Variants in STK38 observed in about 807,000 individuals in gnomAD.
STK38 encodes serine/threonine kinase 38, also known as serine/threonine-protein kinase 38.
A neutral mutation model predicts 59.0 loss-of-function variants in STK38; 26 were observed. The observed-to-expected ratio is 0.44, with a 90% confidence interval of 0.32 to 0.61. STK38 has a LOEUF of 0.61. Among genes scored for constraint, STK38 ranks in the 20% least tolerant of loss-of-function variants. STK38 has a pLI of 0.04. For synonymous variants in STK38, 175 were observed against 176.6 expected, an observed-to-expected ratio of 0.99 and a Z score of 0.07; for missense variants, 433 against 566.0, an observed-to-expected ratio of 0.76 and a Z score of 2.38.
chr6:36,499,825 G>A, intron 10 of STK38, 48 bp downstream of exon 10: 2 of 1,424,016 alleles, frequency 1.4e-6, no homozygotes, highest in Non-Finnish European at 2.0e-6. Context: ...CAATGTAAAA[G>A]TCTGTCATGG....
intron 10 of STK38, among the ~76,000 whole-genome samples, chr6:36,499,294 C>A (rs1415644290): frequency 6.6e-6 from 1 of 152,156 alleles, no homozygotes. Flanking sequence ...CCTATCACCC[C>A]ATCTTCCCTC....
chr6:36,499,033 T>C (rs561014977), intron 10 of STK38, among the ~76,000 whole-genome samples: 1 of 152,286 alleles, frequency 6.6e-6, no homozygotes, highest in African/African-American at 2.4e-5. Context: ...AGTGAAATCA[T>C]GCCTCTGGTA....
chr6:36,525,475 A>C, intron 3 of STK38, 116 bp downstream of exon 3: 1 of 848,250 alleles, frequency 1.2e-6, no homozygotes, highest in Non-Finnish European at 1.9e-6. Flanking sequence ...CTACCCCTCA[A>C]GTTCCTCTGT....
At chr6:36,532,466 T>C (rs1344408839) in intron 2 of STK38, among the ~76,000 whole-genome samples, 1 of 152,058 alleles carries the variant, frequency 6.6e-6, no homozygotes, top group Non-Finnish European at 1.5e-5. Context: ...CAAAACCTAC[T>C]AGCAGCTCAT....
intron 4 of STK38, among the ~76,000 whole-genome samples, chr6:36,523,197 C>CTA (rs540254437): frequency 4.9e-4 from 75 of 151,970 alleles, no homozygotes; most frequent in African/African-American, 1.6e-3. Flanking sequence ...ATTCTGAACA[C>CTA]TGAGGGATCA....
At chr6:36,523,160 T>C (rs1382497745) in intron 4 of STK38, among the ~76,000 whole-genome samples, 2 of 152,082 alleles carry the variant, frequency 1.3e-5, no homozygotes, top group Non-Finnish European at 2.9e-5. Flanking sequence ...GTACTATACT[T>C]TTCCCTCTTT....
At chr6:36,514,848 C>CA (rs58614183) in intron 7 of STK38, among the ~76,000 whole-genome samples, 4,882 of 77,330 alleles carry the variant, frequency 0.063, 169 homozygotes, top group African/African-American at 0.1. Flanking sequence ...GACTTCATCT[C>CA]AAAAAAAAAA....
intron 2 of STK38, among the ~76,000 whole-genome samples, chr6:36,536,563 C>T (rs755677897): frequency 1.9e-4 from 29 of 151,824 alleles, no homozygotes; most frequent in Non-Finnish European, 3.5e-4. Context: ...GACTGAGTTT[C>T]GCTCTCGTTG....
rs1014051012 is a variant in STK38, at chr6:36,536,744, C to T, written c.131+3328G>A. On this transcript the variant is annotated intron_variant, in intron 2 of 13. Coordinates refer to ENST00000229812, the MANE Select transcript of STK38 (RefSeq NM_007271.4). ...AGAGACGGGGTTTCTCCATGTTGGT[C>T]GGGCTGGTCTCGAACTCCTGACCTC... Among the ~76,000 whole-genome samples the T allele has an allele frequency of 7.9e-5, 12 of 151,930 alleles. No homozygotes were observed. The East Asian group carries it at 9.7e-4, about 12-fold the overall frequency.
intron 8 of STK38, 151 bp from the exon 9 acceptor site, chr6:36,506,795 C>A: frequency 1.5e-6 from 1 of 667,922 alleles, no homozygotes; most frequent in Non-Finnish European, 2.5e-6. Flanking sequence ...TATCCTAGTA[C>A]GTTTACAGTA....
chr6:36,523,156 T>C (rs1457762105), intron 4 of STK38, among the ~76,000 whole-genome samples: 1 of 152,080 alleles, frequency 6.6e-6, no homozygotes, highest in African/African-American at 2.4e-5. Flanking sequence ...GGTGGTACTA[T>C]ACTTTTCCCT....
intron 9 of STK38, among the ~76,000 whole-genome samples, chr6:36,503,220 T>C (rs1360880349): frequency 1.3e-5 from 2 of 152,220 alleles, no homozygotes; most frequent in Non-Finnish European, 2.9e-5. Flanking sequence ...TCTTTTGATA[T>C]ATAGAAGGTT....
intron 2 of STK38, among the ~76,000 whole-genome samples, chr6:36,539,820 G>A (rs1777887831): frequency 6.9e-6 from 1 of 145,782 alleles, no homozygotes; most frequent in East Asian, 2.0e-4. Flanking sequence ...CTGGGCTAAA[G>A]CAATCCTCCC....
rs536111513 is a variant in STK38, at chr6:36,537,388, ATCTC to A, written c.131+2680_131+2683del. ...GTACATGATTCAGCAATTCCACTGA[ATCTC>A]TCTAGATGTTTATCTGAGAACTGAA... On this transcript the variant is annotated intron_variant, in intron 2 of 13. Coordinates refer to ENST00000229812, the MANE Select transcript of STK38 (RefSeq NM_007271.4). Among the ~76,000 whole-genome samples the A allele has an allele frequency of 2.8e-3, 430 of 152,322 alleles. 2 individuals are homozygous for A. The highest frequency in any genetic ancestry group is 5.0e-3 in the Non-Finnish European group (340 of 68,034).
At chr6:36,542,215 C>T (rs1777955197) in intron 1 of STK38, among the ~76,000 whole-genome samples, 1 of 152,118 alleles carries the variant, frequency 6.6e-6, no homozygotes, top group Admixed American at 6.5e-5. Flanking sequence ...AAAGAAAAAT[C>T]TATGATTAAA....
At chr6:36,507,479 A>G in intron 8 of STK38, 21 bp downstream of exon 8, 2 of 1,602,428 alleles carry the variant, frequency 1.2e-6, no homozygotes, top group Non-Finnish European at 1.7e-6. Flanking sequence ...CGAAAAGGCT[A>G]ACGTAATTGT....
At chr6:36,525,741 C>G in intron 2 of STK38, 99 bp from the exon 3 acceptor site, 4 of 915,094 alleles carry the variant, frequency 4.4e-6, no homozygotes, top group Non-Finnish European at 6.6e-6. Flanking sequence ...AAAAATGACA[C>G]AAACAGGTAA....
chr6:36,525,473 C>A, intron 3 of STK38, 118 bp downstream of exon 3: 1 of 830,744 alleles, frequency 1.2e-6, no homozygotes, highest in Non-Finnish European at 1.9e-6. Flanking sequence ...CACTACCCCT[C>A]AAGTTCCTCT....
chr6:36,506,921 A>G (rs1390868858), intron 8 of STK38, among the ~76,000 whole-genome samples: 1 of 152,230 alleles, frequency 6.6e-6, no homozygotes, highest in African/African-American at 2.4e-5. Context: ...TCAGAATTAC[A>G]GGGAATTCAG....
Sources: gnomAD v4.1 joint callset for allele counts (sites outside exome capture counted in the v4.1 genomes callset) on GRCh38, gnomAD v4.1.1 for gene constraint, MANE v1.5 for transcripts, NCBI Gene and HGNC (gene_info 2026-07-23, HGNC 2026-07-21) for gene names.